ELFN2: variants seen among roughly 807,000 people sequenced by gnomAD.
The protein encoded by ELFN2 is protein phosphatase 1 regulatory subunit 29.
Under a neutral mutation model 45.5 loss-of-function variants are expected in ELFN2, and 17 were observed. The ratio of observed to expected loss-of-function variants is 0.37; its 90% CI spans 0.26 to 0.56. ELFN2 has a LOEUF of 0.56. Among genes scored for constraint, ELFN2 ranks in the 20% least tolerant of loss-of-function variants. The pLI is 0.77. For synonymous variants in ELFN2, 550 were observed against 551.5 expected, an observed-to-expected ratio of 1.00 and a Z score of 0.04; for missense variants, 922 against 1,183.2, an observed-to-expected ratio of 0.78 and a Z score of 3.24.
intron 2 of ELFN2, among the ~76,000 whole-genome samples, chr22:37,384,251 A>C (rs1165428232): frequency 6.6e-6 from 1 of 151,988 alleles, no homozygotes; most frequent in African/African-American, 2.4e-5. Flanking sequence ...AGCTGTAACC[A>C]CATGGCCCGT....
chr22:37,423,428 C>T (rs1932825389), intron 1 of ELFN2, among the ~76,000 whole-genome samples: 2 of 152,224 alleles, frequency 1.3e-5, no homozygotes, highest in Admixed American at 6.5e-5. Flanking sequence ...CCTCCAGGCC[C>T]ATCTGGCAAA....
intron 1 of ELFN2, among the ~76,000 whole-genome samples, chr22:37,424,688 G>A (rs1201273470): frequency 2.6e-5 from 4 of 151,948 alleles, no homozygotes; most frequent in East Asian, 3.9e-4. Flanking sequence ...GGCGGGGGGG[G>A]GGATGGAATT....
intron 2 of ELFN2, among the ~76,000 whole-genome samples, chr22:37,404,213 G>T (rs1932439118): frequency 6.6e-6 from 1 of 152,306 alleles, no homozygotes; most frequent in Non-Finnish European, 1.5e-5. Context: ...TGACATGCTG[G>T]GGGGGTGACA....
intron 2 of ELFN2, among the ~76,000 whole-genome samples, chr22:37,387,782 TC>T (rs1270962412): frequency 6.6e-6 from 1 of 151,366 alleles, no homozygotes; most frequent in Non-Finnish European, 1.5e-5. Flanking sequence ...CAAACCCGCT[TC>T]CCCCTCCCCT....
chr22:37,389,530 C>T (rs1214597594), intron 2 of ELFN2, among the ~76,000 whole-genome samples: 1 of 152,080 alleles, frequency 6.6e-6, no homozygotes, highest in Non-Finnish European at 1.5e-5. Context: ...CAGGGTGACC[C>T]CCCTGCTATG....
chr22:37,346,731 C>T (rs1930704811), intron 1 of ELFN2, among the ~76,000 whole-genome samples: 2 of 152,096 alleles, frequency 1.3e-5, no homozygotes, highest in African/African-American at 4.8e-5. Context: ...TCCTGTATGA[C>T]ACACACATGT....
rs1043080367 is a variant in ELFN2, at chr22:37,377,372, G to A, written c.-462-1376C>T. On this transcript the variant is annotated intron_variant, in intron 2 of 2. Transcript: ENST00000402918. ...GCAGGGGCCAGGGATGTGAAGATGA[G>A]GTCTGAGAAATCCACGTTTGGACAC... Among the ~76,000 whole-genome samples the A allele has an allele frequency of 2.0e-5, 3 of 152,194 alleles. No individual in the cohort carries two copies. The East Asian group carries it at 5.8e-4, about 29-fold the overall frequency.
intron 2 of ELFN2, among the ~76,000 whole-genome samples, chr22:37,380,041 G>C (rs1482113635): frequency 6.6e-6 from 1 of 152,200 alleles, no homozygotes; most frequent in Non-Finnish European, 1.5e-5. Context: ...CCAAGATCAG[G>C]GTTCCCCTGG....
At chr22:37,413,960 G>A (rs9619675) in intron 2 of ELFN2, among the ~76,000 whole-genome samples, 2,544 of 152,270 alleles carry the variant, frequency 0.017, 75 homozygotes, top group African/African-American at 0.059. Context: ...TCAAATGCCC[G>A]GCGTGCCACT....
At chr22:37,410,634 G>A (rs758380079) in intron 2 of ELFN2, among the ~76,000 whole-genome samples, 16 of 152,146 alleles carry the variant, frequency 1.1e-4, no homozygotes, top group South Asian at 2.1e-4. Flanking sequence ...GGGACGAGCC[G>A]GGCACTGACC....
intron 2 of ELFN2, among the ~76,000 whole-genome samples, chr22:37,383,360 C>T (rs1393819507): frequency 2.0e-5 from 3 of 152,232 alleles, no homozygotes; most frequent in Admixed American, 6.5e-5. Context: ...ACAAGGTCCA[C>T]GGGCAGCTCT....
At chr22:37,404,854 G>A (rs1298242121) in intron 2 of ELFN2, among the ~76,000 whole-genome samples, 1 of 152,134 alleles carries the variant, frequency 6.6e-6, no homozygotes, top group Non-Finnish European at 1.5e-5. Context: ...TCACCTCTCT[G>A]AGCCTCAACT....
chr22:37,394,600 C>T (rs1160364509), intron 2 of ELFN2, among the ~76,000 whole-genome samples: 4 of 152,242 alleles, frequency 2.6e-5, no homozygotes, highest in East Asian at 1.9e-4. Context: ...CCGCAGCTCC[C>T]GCCCCGGCAC....
At chr22:37,407,832 T>G (rs1932543754) in intron 2 of ELFN2, among the ~76,000 whole-genome samples, 1 of 151,746 alleles carries the variant, frequency 6.6e-6, no homozygotes, top group South Asian at 2.1e-4. Flanking sequence ...GAGGCGGAGC[T>G]TGCAGTAAGC....
At chr22:37,403,524 G>A (rs907791625) in intron 2 of ELFN2, among the ~76,000 whole-genome samples, 2 of 152,240 alleles carry the variant, frequency 1.3e-5, no homozygotes, top group African/African-American at 4.8e-5. Flanking sequence ...TGGCTGGATG[G>A]GCGGTTTGGG....
At chr22:37,357,229 C>T (rs746892175) in intron 1 of ELFN2, among the ~76,000 whole-genome samples, 2 of 152,184 alleles carry the variant, frequency 1.3e-5, no homozygotes, top group Admixed American at 6.5e-5. Context: ...CTTTTTAGGA[C>T]GGTTCCTGGA....
intron 2 of ELFN2, among the ~76,000 whole-genome samples, chr22:37,380,496 G>A (rs763077915): frequency 3.3e-5 from 5 of 152,286 alleles, no homozygotes; most frequent in East Asian, 1.9e-4. Flanking sequence ...AGGGACACCC[G>A]TCAGCTCCAG....
intron 1 of ELFN2, among the ~76,000 whole-genome samples, chr22:37,357,320 C>A (rs933670041): frequency 1.3e-5 from 2 of 152,146 alleles, no homozygotes; most frequent in Non-Finnish European, 2.9e-5. Context: ...TAATAATAGA[C>A]CACATGCCTG....
intron 1 of ELFN2, among the ~76,000 whole-genome samples, chr22:37,421,722 G>A (rs1932810429): frequency 6.6e-6 from 1 of 152,186 alleles, no homozygotes; most frequent in African/African-American, 2.4e-5. Flanking sequence ...ATCCGTCCTC[G>A]GTAGCATGTA....
Sources: gnomAD v4.1 joint callset for allele counts (sites outside exome capture counted in the v4.1 genomes callset) on GRCh38, gnomAD v4.1.1 for gene constraint, MANE v1.5 for transcripts, NCBI Gene and HGNC (gene_info 2026-07-23, HGNC 2026-07-21) for gene names.